Variants in PLB1 observed in about 807,000 individuals in gnomAD.
The protein encoded by PLB1 is phospholipase B1.
In PLB1, 242 loss-of-function variants were observed where a neutral mutation model predicts 227.4. The observed-to-expected ratio is 1.06, with a 90% CI of 0.96 to 1.18. The LOEUF is 1.18. Ranked by LOEUF, PLB1 falls within the 50% of genes most tolerant of loss-of-function variation. The pLI is 0.00. For synonymous variants in PLB1, 757 were observed against 682.2 expected (o/e 1.11, Z -1.71); for missense variants, 1,858 against 1,816.3 (o/e 1.02, Z -0.42).
intron 4 of PLB1, among the ~76,000 whole-genome samples, chr2:28,521,861 A>G (rs1406188999): frequency 2.0e-5 from 3 of 151,864 alleles, no homozygotes; most frequent in Non-Finnish European, 4.4e-5. Flanking sequence ...CTGAACCAGG[A>G]TACTCTTTCT....
intron 17 of PLB1, among the ~76,000 whole-genome samples, chr2:28,561,524 A>G (rs4666094): frequency 0.24 from 36,688 of 152,206 alleles, 4,716 homozygotes; most frequent in East Asian, 0.52. Context: ...AATAACCCAA[A>G]TGCCTATCGA....
At chr2:28,641,086 CG>C (rs1689922961) in intron 57 of PLB1, 85 bp downstream of exon 57, 4 of 1,274,324 alleles carry the variant, frequency 3.1e-6, no homozygotes, top group Non-Finnish European at 4.3e-6. Flanking sequence ...GAGGAGTCCC[CG>C]GGGATGCTCC....
rs183612920 is a variant in PLB1 at position 28,622,758 on chromosome 2, C to T, written c.3527+1780C>T. 2.9e-4 allele frequency among the ~76,000 whole-genome samples: 44 copies of T among 152,244 alleles called. No homozygotes were observed. In the Middle Eastern group the frequency reaches 0.01, roughly 35 times the overall value. ...AAAATTAGCTGGGTGTGATGGTACA[C>T]GCCTGTAATCCCAGCTACTCGGGAG... On this transcript the variant is annotated intron_variant, in intron 49 of 57. Transcript: ENST00000327757.
chr2:28,516,842 TA>T lies in PLB1; in HGVS notation c.91del (p.Thr31HisfsTer11). 1.2e-6 allele frequency: 2 copies of T among 1,613,698 alleles called. No individual in the cohort carries two copies. The highest frequency in any genetic ancestry group is 1.7e-6 in the Non-Finnish European group (2 of 1,179,782). On this transcript the variant is annotated frameshift_variant, in exon 2 of 58. Transcript: ENST00000327757. LOFTEE classifies it high-confidence loss of function. ...AGATCCATACCTCTCCTAGAAAGAG[TA>T]CATTGGAAGGGCAGCTATGGCCAGA... ...PQIHTSPRKSTLEGQLWPETL... is the reference protein window; with the variant it reads ...PQIHTSPRKSXLEGQLWPETL...
chr2:28,614,118 C>T, intron 44 of PLB1, 22 bp downstream of exon 44: 1 of 1,593,476 alleles, frequency 6.3e-7, no homozygotes, highest in Non-Finnish European at 8.6e-7. Context: ...CTCACATCTG[C>T]CTCTCTCAGA....
intron 17 of PLB1, among the ~76,000 whole-genome samples, chr2:28,560,592 G>C (rs1031857013): frequency 1.3e-5 from 2 of 152,128 alleles, no homozygotes; most frequent in African/African-American, 4.8e-5. Context: ...GCTGCAGTGA[G>C]CCATGATCAC....
At chr2:28,544,313 T>C (rs1345344465) in intron 14 of PLB1, among the ~76,000 whole-genome samples, 1 of 152,238 alleles carries the variant, frequency 6.6e-6, no homozygotes, top group African/African-American at 2.4e-5. Flanking sequence ...TCTCCCATGA[T>C]GGGCAGAGAA....
At position 28,644,089 on chromosome 2, in the gene PLB1, G is replaced by T. The variant is rs1558990914; in HGVS notation, c.*1028G>T. ...ATTGTTCCATTTAAAATGATTAATT[G>T]TGTATCATGTGAATTTCACTTCAAT... On this transcript the variant is annotated 3_prime_UTR_variant, in exon 58 of 58. Coordinates refer to ENST00000327757, the MANE Select transcript of PLB1 (RefSeq NM_153021.5). Among the ~76,000 whole-genome samples the T allele has an allele frequency of 6.6e-6, 1 of 152,210 alleles. No homozygotes were observed. Among genetic ancestry groups the T allele is most frequent in the Non-Finnish European group, 1.5e-5 (1 of 68,050 alleles).
chr2:28,610,996 T>A (rs925473068), intron 43 of PLB1, among the ~76,000 whole-genome samples: 1 of 152,054 alleles, frequency 6.6e-6, no homozygotes, highest in Admixed American at 6.5e-5. Flanking sequence ...TAAACCACTC[T>A]GACTCATGCA....
At chr2:28,537,344 T>C (rs1164551601) in intron 9 of PLB1, among the ~76,000 whole-genome samples, 2 of 152,098 alleles carry the variant, frequency 1.3e-5, no homozygotes, top group African/African-American at 4.8e-5. Flanking sequence ...CTGCTGTTTG[T>C]TAGGGGACAA....
At chr2:28,582,535 T>C (rs1365775258) in intron 25 of PLB1, 30 bp downstream of exon 25, 30 of 1,511,930 alleles carry the variant, frequency 2.0e-5, no homozygotes, top group Admixed American at 3.7e-5. Flanking sequence ...CCGATTCTAC[T>C]AAGAATCCTC....
intron 32 of PLB1, 58 bp downstream of exon 32, chr2:28,592,777 GTCC>G: frequency 6.5e-7 from 1 of 1,539,794 alleles, no homozygotes; most frequent in Non-Finnish European, 8.9e-7. Context: ...CCAGATCCCA[GTCC>G]TCTTAACTTA....
chr2:28,513,717 G>A (rs1270807244), intron 1 of PLB1, among the ~76,000 whole-genome samples: 1 of 152,192 alleles, frequency 6.6e-6, no homozygotes, highest in Non-Finnish European at 1.5e-5. Flanking sequence ...CAGAATGCGG[G>A]AGTGCAGCAG....
At chr2:28,534,295 C>T (rs777997896) in intron 9 of PLB1, among the ~76,000 whole-genome samples, 3 of 152,122 alleles carry the variant, frequency 2.0e-5, no homozygotes, top group African/African-American at 7.2e-5. Context: ...AACAGTCTTG[C>T]TCATTTACTT....
chr2:28,553,857 G>A (rs1331653492), intron 17 of PLB1, among the ~76,000 whole-genome samples: 11 of 152,130 alleles, frequency 7.2e-5, no homozygotes, highest in Admixed American at 5.9e-4. Flanking sequence ...TAAGTTTGGG[G>A]ATGTCACAGT....
rs753374336 is a variant in PLB1 at position 28,589,556 on chromosome 2, TAAAG to T, written c.1920+7_1920+10del. 6.2e-7 allele frequency: 1 copy of T among 1,613,916 alleles called. No individual in the cohort carries two copies. Among genetic ancestry groups the T allele is most frequent in the Non-Finnish European group, 8.5e-7 (1 of 1,179,822 alleles). Reference sequence around the variant, plus strand: ...AACGTGGACATGCCAAAGACCTCGGTAAAGAAAGCAAGCATCGTAGAAAAATAGA... The same window carrying T: ...AACGTGGACATGCCAAAGACCTCGGTAAAGCAAGCATCGTAGAAAAATAGA... On this transcript the variant is annotated splice_donor_5th_base_variant and intron_variant, in intron 27 of 57. Coordinates refer to ENST00000327757, the MANE Select transcript of PLB1 (RefSeq NM_153021.5).
chr2:28,641,211 C>T (rs1391299534), intron 57 of PLB1, among the ~76,000 whole-genome samples: 1 of 152,200 alleles, frequency 6.6e-6, no homozygotes, highest in Non-Finnish European at 1.5e-5. Context: ...CGTTCAACAG[C>T]TCCAACCGAA....
intron 50 of PLB1, 143 bp from the exon 51 acceptor site, chr2:28,626,285 C>T (rs931592030): frequency 5.5e-5 from 35 of 635,334 alleles, no homozygotes; most frequent in South Asian, 2.9e-4. Context: ...TGTGAGCCAC[C>T]GTGCCTGGCC....
At chr2:28,581,579 C>A in intron 23 of PLB1, among the ~76,000 whole-genome samples, 1 of 151,790 alleles carries the variant, frequency 6.6e-6, no homozygotes, top group African/African-American at 2.4e-5. Context: ...GGGCCACAGC[C>A]ATGACAAACC....
Sources: gnomAD v4.1 joint callset for allele counts (sites outside exome capture counted in the v4.1 genomes callset) on GRCh38, gnomAD v4.1.1 for gene constraint, MANE v1.5 for transcripts, NCBI Gene and HGNC (gene_info 2026-07-23, HGNC 2026-07-21) for gene names.